DPEP1: variants seen among roughly 807,000 people sequenced by gnomAD.
The protein encoded by DPEP1 is beta-lactamase.
A neutral mutation model predicts 42.3 loss-of-function variants in DPEP1; 50 were observed. The ratio of observed to expected loss-of-function variants is 1.18; its 90% CI spans 0.94 to 1.50. The LOEUF is 1.50. Ranked by LOEUF, DPEP1 falls within the 40% of genes most tolerant of loss-of-function variation. The pLI is 0.00. For synonymous variants in DPEP1, 297 were observed against 234.0 expected, an observed-to-expected ratio of 1.27 and a Z score of -2.46; for missense variants, 663 against 553.0, an observed-to-expected ratio of 1.20 and a Z score of -1.99.
chr16:89,636,107 T>C, intron 3 of DPEP1, 67 bp downstream of exon 3: 15 of 1,556,442 alleles, frequency 9.6e-6, no homozygotes, highest in Non-Finnish European at 1.3e-5. Context: ...CAGGCCTGGC[T>C]ACAGTGGGAC....
chr16:89,639,865 C>G (rs564764810), downstream of DPEP1, among the ~76,000 whole-genome samples: 1 of 152,070 alleles, frequency 6.6e-6, no homozygotes, highest in Non-Finnish European at 1.5e-5. Context: ...TTAGTAGAGA[C>G]GAGGTTTCAC....
At chr16:89,640,441 G>C (rs2059734670), downstream of DPEP1, among the ~76,000 whole-genome samples, 1 of 152,180 alleles carries the variant, frequency 6.6e-6, no homozygotes, top group South Asian at 2.1e-4. Context: ...AGCCTTGGCT[G>C]GAGGCCCTGA....
chr16:89,631,479 C>G (rs1195661004), intron 2 of DPEP1, among the ~76,000 whole-genome samples: 1 of 152,196 alleles, frequency 6.6e-6, no homozygotes, highest in Non-Finnish European at 1.5e-5. Context: ...GGCATGGTGT[C>G]TCCACCTGGA....
At chr16:89,626,648 C>G (rs1045362029) in intron 1 of DPEP1, among the ~76,000 whole-genome samples, 2 of 152,122 alleles carry the variant, frequency 1.3e-5, no homozygotes, top group Non-Finnish European at 2.9e-5. Context: ...GCCACCGCAC[C>G]CAGCCTAAGA....
chr16:89,640,526 C>T, downstream of DPEP1: 1 of 982,556 alleles, frequency 1.0e-6, no homozygotes, highest in Non-Finnish European at 1.2e-6. Context: ...CTGAAGCCTC[C>T]AGAAGGGACG....
At position 89,630,355 on chromosome 16, in the gene DPEP1, A is replaced by C; in HGVS notation, c.-56A>C. The C allele has an allele frequency of 1.4e-6, 2 of 1,462,518 alleles. No individual in the cohort carries two copies. Among genetic ancestry groups the C allele is most frequent in the Non-Finnish European group, 1.9e-6 (2 of 1,055,974 alleles). 90.6% of individuals were successfully genotyped at this position (1,462,518 alleles called of 1,614,324 possible). A position where few individuals can be genotyped will look rare whatever the true frequency, so the allele number is the denominator to read the frequency against. On this transcript the variant is annotated 5_prime_UTR_variant, in exon 2 of 11. Transcript: ENST00000690203. Reference sequence around the variant, plus strand: ...GCTCATCCTTCTGCACGGGCCAGCCAGGCCAGCACAGAGGCACCAGGGCAG... The same window carrying C: ...GCTCATCCTTCTGCACGGGCCAGCCCGGCCAGCACAGAGGCACCAGGGCAG...
intron 1 of DPEP1, among the ~76,000 whole-genome samples, chr16:89,615,696 C>T (rs999211016): frequency 6.6e-6 from 1 of 152,182 alleles, no homozygotes; most frequent in African/African-American, 2.4e-5. Context: ...CCGCGAGGCC[C>T]CGGTGAACTG....
At chr16:89,616,128 C>T (rs1441063926) in intron 1 of DPEP1, among the ~76,000 whole-genome samples, 4 of 147,044 alleles carry the variant, frequency 2.7e-5, no homozygotes, top group Admixed American at 1.4e-4. Flanking sequence ...AGCTGGGGTG[C>T]GCAGCAGGAG....
At chr16:89,629,770 T>C (rs188247030) in intron 1 of DPEP1, among the ~76,000 whole-genome samples, 74 of 152,208 alleles carry the variant, frequency 4.9e-4, no homozygotes, top group African/African-American at 1.7e-3. Flanking sequence ...AGCTGGAGTG[T>C]GGGTCCCTGT....
rs201263684 is a variant in DPEP1 at position 89,635,909 on chromosome 16, C to T, written c.106C>T (p.His36Tyr). Reference sequence around the variant, plus strand: ...TGGCCTCTCCCCGGCAAACTCCAGGCACAATGACCTCCCCTGGCAGCTGCT... The same window carrying T: ...TGGCCTCTCCCCGGCAAACTCCAGGTACAATGACCTCCCCTGGCAGCTGCT... ...IMRDSPVIDG[H>Y]NDLPWQLLDM... Residue 36 changes from histidine (H) to tyrosine (Y), a missense_variant and splice_region_variant, in exon 3 of 11, where the codon CAC becomes TAC. Physicochemically the swap from His to Tyr is moderately conservative, Grantham distance 83. Transcript: ENST00000690203. 7.9e-5 allele frequency: 127 copies of T among 1,598,082 alleles called. No homozygotes were observed. The highest frequency in any genetic ancestry group is 9.6e-5 in the Non-Finnish European group (113 of 1,172,470).
intron 2 of DPEP1, 40 bp downstream of exon 2, chr16:89,630,554 C>G: frequency 8.4e-7 from 1 of 1,194,154 alleles, no homozygotes; most frequent in Non-Finnish European, 1.1e-6. Flanking sequence ...GGAACCAGGA[C>G]TGGGAACTGG....
intron 1 of DPEP1, among the ~76,000 whole-genome samples, chr16:89,614,090 C>G (rs1360339309): frequency 6.6e-6 from 1 of 151,494 alleles, no homozygotes; most frequent in Non-Finnish European, 1.5e-5. Context: ...TTCTAGGAAA[C>G]TGGGGCCAGG....
rs772847178 is a variant in DPEP1, at chr16:89,636,277, A to G, written c.251A>G (p.Tyr84Cys). 7 of 1,609,770 alleles carry G rather than the reference A, an allele frequency of 4.3e-6. No homozygotes were observed. The South Asian group carries it at 6.6e-5, about 15-fold the overall frequency. Residue 84 changes from tyrosine (Y) to cysteine (C), a missense_variant, in exon 4 of 11, where the codon TAC (tyrosine) becomes TGC (cysteine). Tyr to Cys is a radical substitution (Grantham distance 194). Coordinates refer to ENST00000690203, the MANE Select transcript of DPEP1 (RefSeq NM_001389466.1). ...TGCGGCCCACAGTTCTGGTCCGTGTACACGCCCTGCGACACCCAGAACAAA... is the reference window on the plus strand; with the variant it reads ...TGCGGCCCACAGTTCTGGTCCGTGTGCACGCCCTGCGACACCCAGAACAAA... The part of the protein sequence containing the change: ...GFVGGQFWSV[Y>C]TPCDTQNKDA...
At chr16:89,615,243 T>C (rs976478649) in intron 1 of DPEP1, among the ~76,000 whole-genome samples, 5 of 152,156 alleles carry the variant, frequency 3.3e-5, no homozygotes, top group African/African-American at 1.2e-4. Context: ...TAGGCTGCGG[T>C]GGACGGACAC....
intron 1 of DPEP1, among the ~76,000 whole-genome samples, chr16:89,616,196 G>T (rs557513854): frequency 6.6e-6 from 1 of 152,174 alleles, no homozygotes; most frequent in Non-Finnish European, 1.5e-5. Flanking sequence ...GGGGGAGTCA[G>T]TGCTGTGGGG....
intron 2 of DPEP1, among the ~76,000 whole-genome samples, chr16:89,631,730 G>A (rs1891058682): frequency 6.6e-6 from 1 of 152,176 alleles, no homozygotes; most frequent in South Asian, 2.1e-4. Context: ...GGTGGCGCAT[G>A]CCTGTAGTCC....
intron 1 of DPEP1, among the ~76,000 whole-genome samples, chr16:89,619,767 T>A: frequency 2.4e-3 from 1 of 422 alleles, no homozygotes; most frequent in African/African-American, 0.02. Context: ...CCTGCTCCCC[T>A]CCCTGCAGCC....
chr16:89,640,596 T>C, downstream of DPEP1: 1 of 982,350 alleles, frequency 1.0e-6, no homozygotes, highest in Non-Finnish European at 1.2e-6. Context: ...CCTCCCAGCC[T>C]GGCTGCTGAT....
intron 3 of DPEP1, 62 bp downstream of exon 3, chr16:89,636,102 C>G: frequency 6.4e-7 from 1 of 1,560,738 alleles, no homozygotes; most frequent in South Asian, 1.2e-5. Context: ...TACCTCAGGC[C>G]TGGCTACAGT....
Sources: gnomAD v4.1 joint callset for allele counts (sites outside exome capture counted in the v4.1 genomes callset) on GRCh38, gnomAD v4.1.1 for gene constraint, MANE v1.5 for transcripts, NCBI Gene and HGNC (gene_info 2026-07-23, HGNC 2026-07-21) for gene names.